IKZF3: variants seen among roughly 807,000 people sequenced by gnomAD.
IKZF3 encodes the protein zinc finger protein Aiolos.
IKZF3 carries 10 observed loss-of-function variants against 49.0 expected under a neutral mutation model. The ratio of observed to expected loss-of-function variants is 0.20; its 90% confidence interval spans 0.13 to 0.35. IKZF3 has a LOEUF of 0.35. Ranked by LOEUF, IKZF3 falls within the 10% of genes least tolerant of loss-of-function variation. The pLI, the probability that IKZF3 is intolerant of heterozygous loss-of-function variation, is 1.00. For synonymous variants in IKZF3, 209 were observed against 228.2 expected (o/e 0.92, Z 0.76); for missense variants, 498 against 664.8 (o/e 0.75, Z 2.76).
chr17:39,789,890 C>G (rs1221121238), intron 5 of IKZF3, among the ~76,000 whole-genome samples: 1 of 142,788 alleles, frequency 7.0e-6, no homozygotes, highest in East Asian at 2.0e-4. Context: ...CAGAGCAAGA[C>G]TCCGTCTCAA....
intron 3 of IKZF3, among the ~76,000 whole-genome samples, chr17:39,808,188 C>A (rs545003497): frequency 6.6e-6 from 1 of 152,290 alleles, no homozygotes; most frequent in East Asian, 1.9e-4. Flanking sequence ...AGTTTCTGAG[C>A]TATGATTACT....
chr17:39,779,651 T>G (rs1051742859), intron 6 of IKZF3, among the ~76,000 whole-genome samples: 22 of 146,254 alleles, frequency 1.5e-4, no homozygotes, highest in South Asian at 1.1e-3. Flanking sequence ...TCTTTGTTTT[T>G]TGTTTTTTTT....
At chr17:39,860,156 C>T (rs1417833542) in intron 1 of IKZF3, among the ~76,000 whole-genome samples, 1 of 152,016 alleles carries the variant, frequency 6.6e-6, no homozygotes, top group African/African-American at 2.4e-5. Context: ...GTAGTCCTAG[C>T]TACTCAGAAG....
intron 6 of IKZF3, among the ~76,000 whole-genome samples, chr17:39,782,216 T>C (rs756738766): frequency 1.3e-5 from 2 of 152,198 alleles, no homozygotes; most frequent in East Asian, 1.9e-4. Flanking sequence ...ACTTGTTGGA[T>C]AGCTGATGCA....
intron 1 of IKZF3, 21 bp downstream of exon 1, chr17:39,864,099 A>G: frequency 1.2e-6 from 2 of 1,612,968 alleles, no homozygotes; most frequent in Middle Eastern, 1.7e-4. Context: ...CCCGGAGAAA[A>G]GAAGCGGGCT....
intron 6 of IKZF3, among the ~76,000 whole-genome samples, chr17:39,779,873 A>T (rs1163884969): frequency 6.6e-6 from 1 of 152,126 alleles, no homozygotes; most frequent in Non-Finnish European, 1.5e-5. Context: ...TCTAAGGAAG[A>T]ATAAATTGAA....
chr17:39,799,438 C>T (rs2061261940), intron 3 of IKZF3, among the ~76,000 whole-genome samples: 1 of 152,214 alleles, frequency 6.6e-6, no homozygotes, highest in Non-Finnish European at 1.5e-5. Context: ...GGTATTCAAG[C>T]ACCTGTCCAG....
At chr17:39,770,363 G>C (rs555043307) in intron 7 of IKZF3, among the ~76,000 whole-genome samples, 4 of 152,184 alleles carry the variant, frequency 2.6e-5, no homozygotes, top group African/African-American at 9.7e-5. Flanking sequence ...CACGGCAACA[G>C]CAAGTCCTAA....
chr17:39,780,321 T>C (rs1285304402), intron 6 of IKZF3, among the ~76,000 whole-genome samples: 2 of 152,052 alleles, frequency 1.3e-5, no homozygotes, highest in Non-Finnish European at 2.9e-5. Context: ...ATGTTAGTCA[T>C]TACACAATAC....
chr17:39,831,336 C>T (rs73304123), intron 2 of IKZF3, among the ~76,000 whole-genome samples: 8,780 of 151,706 alleles, frequency 0.058, 397 homozygotes, highest in African/African-American at 0.12. Context: ...ATCACACCAT[C>T]GTACTTCAGC....
intron 3 of IKZF3, among the ~76,000 whole-genome samples, chr17:39,817,232 A>G (rs2061697780): frequency 6.6e-6 from 1 of 152,214 alleles, no homozygotes; most frequent in Non-Finnish European, 1.5e-5. Context: ...TTTTTAACAT[A>G]TACATTAAAC....
chr17:39,842,167 G>A (rs1177377786), intron 1 of IKZF3, among the ~76,000 whole-genome samples: 4 of 151,398 alleles, frequency 2.6e-5, no homozygotes, highest in African/African-American at 4.9e-5. Flanking sequence ...ATAGCGTCTA[G>A]ATATTAACTT....
At position 39,829,254 on chromosome 17, in the gene IKZF3, A is replaced by G. The variant is rs528020971; in HGVS notation, c.163+133T>C. On this transcript the variant is annotated intron_variant, in intron 3 of 7. Transcript: ENST00000346872. ...CAACTATGAAATGCAAATATTTGTG[A>G]AATTAACAAAACAGAATCACTCCTA... 11 of 594,124 alleles carry G rather than the reference A, an allele frequency of 1.9e-5. No individual in the cohort carries two copies. The Admixed American group carries it at 2.9e-4, about 16-fold the overall frequency. The allele number at this position is 594,124 out of a possible 1,614,324, so 36.8% of individuals were successfully genotyped here. A position where few individuals can be genotyped will look rare whatever the true frequency, so the allele number is the denominator to read the frequency against.
Position 39,759,896 on chromosome 17 carries a change from T to C in IKZF3, c.*5894A>G, listed in dbSNP as rs2143482800. The C allele has an allele frequency of 6.6e-6, 1 of 152,352 alleles. No individual in the cohort carries two copies. Among genetic ancestry groups the C allele is most frequent in the East Asian group, 1.9e-4 (1 of 5,184 alleles). The allele number at this position is 152,352 out of a possible 1,614,324, so 9.4% of individuals were successfully genotyped here. ...TATATATCGGGTTTTTTTCTTCTGT[T>C]CCTGGTGCTAACTTTTAGGACAAAG... On this transcript the variant is annotated 3_prime_UTR_variant, in exon 8 of 8. Coordinates refer to ENST00000346872, the MANE Select transcript of IKZF3 (RefSeq NM_012481.5).
At position 39,826,146 on chromosome 17, in the gene IKZF3, G is replaced by A. The variant is rs35534859; in HGVS notation, c.163+3241C>T. 5.8e-3 allele frequency among the ~76,000 whole-genome samples: 886 copies of A among 152,276 alleles called. 13 individuals carry two copies. The highest frequency in any genetic ancestry group is 0.02 in the African/African-American group (844 of 41,550). On this transcript the variant is annotated intron_variant, in intron 3 of 7. Transcript: ENST00000346872. Reference sequence around the variant, plus strand: ...CAGCCTCAACCTCCCAGGCTCAAACGATCCTACCACCTCAGTCCCCCAAGT... The same window carrying A: ...CAGCCTCAACCTCCCAGGCTCAAACAATCCTACCACCTCAGTCCCCCAAGT...
Position 39,786,698 on chromosome 17 carries a change from A to G in IKZF3, c.709+1560T>C, listed in dbSNP as rs372706145. Among the ~76,000 whole-genome samples the G allele has an allele frequency of 3.2e-4, 49 of 152,276 alleles. 1 individual carries two copies. The East Asian group carries it at 4.4e-3, about 14-fold the overall frequency. On this transcript the variant is annotated intron_variant, in intron 6 of 7. Coordinates refer to ENST00000346872, the MANE Select transcript of IKZF3 (RefSeq NM_012481.5). ...GGGCTTGAGCTCCTGGGCTCAAGCAATCCTCTTGCCTCAGCCTCCTCAGCA... is the reference window on the plus strand; with the variant it reads ...GGGCTTGAGCTCCTGGGCTCAAGCAGTCCTCTTGCCTCAGCCTCCTCAGCA...
intron 2 of IKZF3, 125 bp downstream of exon 2, chr17:39,831,972 TA>T: frequency 1.5e-6 from 1 of 668,130 alleles, no homozygotes; most frequent in Non-Finnish European, 2.6e-6. Flanking sequence ...CAGACAACCA[TA>T]TTTAAAAAAA....
intron 1 of IKZF3, chr17:39,835,340 G>A (rs185336526): frequency 2.0e-5 from 10 of 511,146 alleles, no homozygotes; most frequent in African/African-American, 9.7e-5. Context: ...ACTGTAGGGC[G>A]GCCTCCAGCT....
At chr17:39,835,695 G>T in intron 1 of IKZF3, 1 of 472,690 alleles carries the variant, frequency 2.1e-6, no homozygotes, top group South Asian at 1.6e-5. Flanking sequence ...CAAGATCTGG[G>T]ACTGGAGCTC....
Sources: allele counts gnomAD v4.1 joint callset (sites outside exome capture counted in the v4.1 genomes callset), GRCh38; gene constraint gnomAD v4.1.1; transcripts MANE v1.5; gene names NCBI Gene and HGNC (gene_info 2026-07-23, HGNC 2026-07-21).